Variants in E2F7 observed in about 807,000 individuals in gnomAD.
The protein encoded by E2F7 is transcription factor E2F7.
In E2F7, 35 loss-of-function variants were observed where a neutral mutation model predicts 81.1. That is an observed-to-expected ratio of 0.43 (90% CI 0.33 to 0.57). E2F7 has a LOEUF of 0.57. Among genes scored for constraint, E2F7 ranks in the 20% least tolerant of loss-of-function variants. E2F7 has a pLI of 0.04. For synonymous variants in E2F7, 416 were observed against 416.2 expected (o/e 1.00, Z 0.01); for missense variants, 961 against 1,093.7 (o/e 0.88, Z 1.71).
chr12:77,044,256 T>C (rs1954919955), intron 6 of E2F7: 1 of 457,888 alleles, frequency 2.2e-6, no homozygotes, highest in Non-Finnish European at 4.4e-6. Context: ...CTGTAGACAA[T>C]TTTCATCTCC....
Position 77,023,910 on chromosome 12 carries a change from G to T in E2F7, c.*105C>A. 1 of 1,347,036 alleles carries T rather than the reference G, an allele frequency of 7.4e-7. No homozygotes were observed. The highest frequency in any genetic ancestry group is 1.4e-5 in the South Asian group (1 of 69,824). 83.4% of individuals were successfully genotyped at this position (1,347,036 alleles called of 1,614,324 possible). A position where few individuals can be genotyped will look rare whatever the true frequency, so the allele number is the denominator to read the frequency against. On this transcript the variant is annotated 3_prime_UTR_variant, in exon 13 of 13. Transcript: ENST00000322886. ...GAAGTTAACAGAAGTGTGGATGAAA[G>T]AGAGAGGAAGGACCCGTGCTCAGGA...
At chr12:77,040,038 G>A (rs1014869082) in intron 7 of E2F7, among the ~76,000 whole-genome samples, 11 of 152,166 alleles carry the variant, frequency 7.2e-5, no homozygotes, top group African/African-American at 2.7e-4. Flanking sequence ...TAAAGTCACT[G>A]CAAACACTGA....
intron 3 of E2F7, among the ~76,000 whole-genome samples, chr12:77,053,559 G>T (rs1009032681): frequency 6.6e-6 from 1 of 152,196 alleles, no homozygotes; most frequent in African/African-American, 2.4e-5. Flanking sequence ...GAGGTCCCCA[G>T]ATGACCTTTT....
chr12:77,025,422 C>G, intron 12 of E2F7, 136 bp downstream of exon 12: 1 of 913,250 alleles, frequency 1.1e-6, no homozygotes, highest in South Asian at 1.7e-5. Flanking sequence ...GAGCAGATAA[C>G]TCTAGGTCTA....
At chr12:77,056,173 G>A in intron 2 of E2F7, 43 bp from the exon 3 acceptor site, 3 of 1,532,168 alleles carry the variant, frequency 2.0e-6, no homozygotes, top group Non-Finnish European at 2.6e-6. Flanking sequence ...AGAAAGGGCA[G>A]GTATCAGCTA....
At chr12:77,035,710 T>C (rs1321342315) in intron 7 of E2F7, among the ~76,000 whole-genome samples, 1 of 152,116 alleles carries the variant, frequency 6.6e-6, no homozygotes, top group Non-Finnish European at 1.5e-5. Flanking sequence ...ACTGAAAATA[T>C]TACCCACAAT....
At chr12:77,052,711 C>T (rs1954999680) in intron 3 of E2F7, among the ~76,000 whole-genome samples, 1 of 151,790 alleles carries the variant, frequency 6.6e-6, no homozygotes, top group Admixed American at 6.6e-5. Context: ...TTTTGTCCAT[C>T]AAGAAATAAC....
At chr12:77,040,637 C>T (rs1954886859) in intron 7 of E2F7, among the ~76,000 whole-genome samples, 1 of 152,072 alleles carries the variant, frequency 6.6e-6, no homozygotes, top group South Asian at 2.1e-4. Context: ...ATAGAAAATA[C>T]AAACAAACCC....
intron 2 of E2F7, among the ~76,000 whole-genome samples, chr12:77,058,335 GCA>G (rs1358456461): frequency 6.6e-6 from 1 of 152,142 alleles, no homozygotes; most frequent in African/African-American, 2.4e-5. Context: ...AGAAACTGAG[GCA>G]CAGAGAAGTC....
At chr12:77,026,450 G>A (rs1490052515) in intron 11 of E2F7, among the ~76,000 whole-genome samples, 2 of 151,994 alleles carry the variant, frequency 1.3e-5, no homozygotes, top group Non-Finnish European at 2.9e-5. Flanking sequence ...CCACAAGCAT[G>A]CCACCACACC....
At chr12:77,041,675 A>G (rs952103029) in intron 7 of E2F7, among the ~76,000 whole-genome samples, 4 of 151,964 alleles carry the variant, frequency 2.6e-5, no homozygotes, top group African/African-American at 9.7e-5. Flanking sequence ...TTTCTATCCC[A>G]TGTTCTCTTC....
At chr12:77,045,251 C>A (rs998487313) in intron 5 of E2F7, among the ~76,000 whole-genome samples, 1 of 152,054 alleles carries the variant, frequency 6.6e-6, no homozygotes, top group African/African-American at 2.4e-5. Context: ...AGAAGATGCC[C>A]GCCTCTTCCA....
Position 77,056,066 on chromosome 12 carries a change from T to A in E2F7, c.158A>T (p.Asp53Val), listed in dbSNP as rs1249650249. 2 of 1,614,078 alleles carry A rather than the reference T, an allele frequency of 1.2e-6. No individual in the cohort carries two copies. The highest frequency in any genetic ancestry group is 3.3e-5 in the Admixed American group (2 of 59,996). ...PKTPIKNEPI[D>V]LSKQKKFTPE... ...AGTAAATTTTTTTTGCTTCGATAAATCAATTGGTTCATTTTTTATTGGAGT... is the reference window on the plus strand; with the variant it reads ...AGTAAATTTTTTTTGCTTCGATAAAACAATTGGTTCATTTTTTATTGGAGT... The change falls in exon 3 of 13, where the codon GAT becomes GTT. Residue 53 changes from aspartate (D) to valine (V), a missense_variant. This residue lies in a region of E2F7 where 73 missense variants were observed against 68.4 expected (regional missense o/e 1.07). Coordinates refer to ENST00000322886, the MANE Select transcript of E2F7 (RefSeq NM_203394.3).
rs1954774575 is a variant in E2F7, at chr12:77,028,132, A to T, written c.1891T>A (p.Ser631Thr). 2 of 1,612,718 alleles carry T rather than the reference A, an allele frequency of 1.2e-6. No individual in the cohort carries two copies. The highest frequency in any genetic ancestry group is 1.7e-6 in the Non-Finnish European group (2 of 1,179,434). The change falls in exon 11 of 13, where the codon TCA becomes ACA. Residue 631 changes from serine (S) to threonine (T), a missense_variant. Physicochemically the swap from Ser to Thr is moderately conservative, Grantham distance 58. Coordinates refer to ENST00000322886, the MANE Select transcript of E2F7 (RefSeq NM_203394.3). Reference sequence around the variant, plus strand: ...GGAGAGGCAAGGTCTGTGGAATCTGAGGGTTTCTAAACACAACCAAACCAG... The same window carrying T: ...GGAGAGGCAAGGTCTGTGGAATCTGTGGGTTTCTAAACACAACCAAACCAG... The part of the protein sequence containing the change: ...PLSLVMPKKP[S>T]DSTDLASPKT...
intron 2 of E2F7, among the ~76,000 whole-genome samples, chr12:77,061,874 G>A (rs1187566110): frequency 3.3e-5 from 5 of 152,236 alleles, no homozygotes; most frequent in East Asian, 1.9e-4. Flanking sequence ...TGTCCATCTC[G>A]TTCACTCTTG....
intron 2 of E2F7, among the ~76,000 whole-genome samples, chr12:77,060,165 C>T (rs1565914623): frequency 6.6e-6 from 1 of 152,080 alleles, no homozygotes; most frequent in Non-Finnish European, 1.5e-5. Context: ...GCACACTTAA[C>T]CTCTGGGTAA....
At chr12:77,042,993 A>G in intron 7 of E2F7, 72 bp downstream of exon 7, 1 of 1,601,560 alleles carries the variant, frequency 6.2e-7, no homozygotes, top group East Asian at 2.2e-5. Context: ...ACTGTGTAGT[A>G]GATGTGAGAC....
intron 4 of E2F7, among the ~76,000 whole-genome samples, chr12:77,047,096 G>C (rs1954949553): frequency 6.6e-6 from 1 of 152,096 alleles, no homozygotes; most frequent in Admixed American, 6.6e-5. Flanking sequence ...TGATCACGAA[G>C]CTCCGCAGCT....
intron 7 of E2F7, among the ~76,000 whole-genome samples, chr12:77,036,101 G>A (rs1033102874): frequency 6.6e-6 from 1 of 152,070 alleles, no homozygotes; most frequent in African/African-American, 2.4e-5. Context: ...GGAGGGGACA[G>A]GAAAAATACT....
Sources: gnomAD v4.1 joint callset for allele counts (sites outside exome capture counted in the v4.1 genomes callset) on GRCh38, gnomAD v4.1.1 for gene constraint, gnomAD v4.1.1 regional missense constraint, MANE v1.5 for transcripts, NCBI Gene and HGNC (gene_info 2026-07-23, HGNC 2026-07-21) for gene names.